Variants in SYBU observed in about 807,000 individuals in gnomAD.
SYBU encodes the protein GOLSYN A protein.
Under a neutral mutation model 35.9 loss-of-function variants are expected in SYBU, and 21 were observed. The ratio of observed to expected loss-of-function variants is 0.58; its 90% confidence interval spans 0.41 to 0.84. The LOEUF (loss-of-function observed/expected upper bound fraction) is 0.84. Ranked by LOEUF, SYBU falls within the 40% of genes least tolerant of loss-of-function variation. The pLI is 0.00. For missense variants in SYBU, 768 were observed against 848.2 expected (o/e 0.91, Z 1.17); for synonymous variants, 319 against 324.3 (o/e 0.98, Z 0.18).
chr8:109,669,353 A>C (rs1816888569), intron 1 of SYBU, among the ~76,000 whole-genome samples: 3 of 150,944 alleles, frequency 2.0e-5, no homozygotes, highest in South Asian at 4.2e-4. Flanking sequence ...AAAAAAAAAA[A>C]AAAAAAAAAA....
intron 3 of SYBU, 38 bp from the exon 4 acceptor site, chr8:109,586,200 G>C (rs1332032608): frequency 6.8e-7 from 1 of 1,475,292 alleles, no homozygotes; most frequent in Non-Finnish European, 9.3e-7. Flanking sequence ...GTGAGGGAAA[G>C]GAAACTAGAG....
upstream of SYBU, chr8:109,645,596 C>A (rs1815576802): frequency 3.6e-6 from 1 of 275,986 alleles, no homozygotes; most frequent in Non-Finnish European, 7.2e-6. Flanking sequence ...GCCTGAGTGC[C>A]TTTATGCCTA....
chr8:109,619,789 A>G (rs1812225942), intron 2 of SYBU, among the ~76,000 whole-genome samples: 1 of 152,198 alleles, frequency 6.6e-6, no homozygotes, highest in Non-Finnish European at 1.5e-5. Context: ...CAATTGGTTA[A>G]CAGAGTTTGA....
intron 3 of SYBU, among the ~76,000 whole-genome samples, chr8:109,599,037 G>C (rs1026435434): frequency 1.3e-5 from 2 of 152,232 alleles, no homozygotes; most frequent in East Asian, 3.9e-4. Flanking sequence ...GGGCAATTTT[G>C]CCACCCTCAC....
At chr8:109,619,106 G>A (rs188695724) in intron 2 of SYBU, 67 bp from the exon 3 acceptor site, 95 of 1,259,930 alleles carry the variant, frequency 7.5e-5, no homozygotes, top group Middle Eastern at 2.1e-4. Context: ...GAAGCCATGC[G>A]GTGCACCACA....
chr8:109,633,504 G>T (rs6994349), intron 2 of SYBU, among the ~76,000 whole-genome samples: 53,129 of 152,062 alleles, frequency 0.35, 11,466 homozygotes, highest in African/African-American at 0.61. Context: ...CAGGTCTCCT[G>T]CTGGAGCCAG....
At chr8:109,641,221 G>C (rs1223147663) in intron 2 of SYBU, among the ~76,000 whole-genome samples, 1 of 152,212 alleles carries the variant, frequency 6.6e-6, no homozygotes, top group East Asian at 1.9e-4. Context: ...AAATGATAAT[G>C]GTGGCACCTT....
At chr8:109,653,150 A>G (rs995983579) in intron 1 of SYBU, among the ~76,000 whole-genome samples, 44 of 152,338 alleles carry the variant, frequency 2.9e-4, no homozygotes, top group African/African-American at 1.1e-3. Flanking sequence ...AATGATGTTC[A>G]TATGGTCACT....
At chr8:109,662,107 G>C (rs972209265) in intron 1 of SYBU, among the ~76,000 whole-genome samples, 5 of 152,124 alleles carry the variant, frequency 3.3e-5, no homozygotes, top group African/African-American at 1.2e-4. Context: ...TATTCCTTTA[G>C]GAAGTGAGAA....
chr8:109,675,195 C>A (rs1817140049), intron 1 of SYBU, among the ~76,000 whole-genome samples: 1 of 152,048 alleles, frequency 6.6e-6, no homozygotes, highest in East Asian at 1.9e-4. Flanking sequence ...CAGGACAGAT[C>A]TAAAATTGAC....
intron 1 of SYBU, among the ~76,000 whole-genome samples, chr8:109,680,020 T>TA (rs1234096008): frequency 2.0e-5 from 3 of 152,236 alleles, no homozygotes; most frequent in Non-Finnish European, 4.4e-5. Context: ...TAAGAGCAGA[T>TA]ATGGCACTTC....
intron 1 of SYBU, among the ~76,000 whole-genome samples, chr8:109,678,801 G>C (rs1265141635): frequency 5.9e-5 from 9 of 152,104 alleles, no homozygotes; most frequent in Non-Finnish European, 1.5e-5. Flanking sequence ...TCTCAACCTT[G>C]ATAAATCTTA....
chr8:109,627,685 G>T (rs1025896539), intron 2 of SYBU, among the ~76,000 whole-genome samples: 1 of 152,114 alleles, frequency 6.6e-6, no homozygotes, highest in Non-Finnish European at 1.5e-5. Context: ...AGTTATGTTT[G>T]TTCCAAGAGG....
intron 2 of SYBU, among the ~76,000 whole-genome samples, chr8:109,635,238 T>A (rs964055313): frequency 1.3e-5 from 2 of 152,228 alleles, no homozygotes; most frequent in Admixed American, 6.5e-5. Flanking sequence ...TTGAGCACTG[T>A]TTAATGCACA....
At chr8:109,677,696 C>T (rs779934853) in intron 1 of SYBU, among the ~76,000 whole-genome samples, 3 of 152,174 alleles carry the variant, frequency 2.0e-5, no homozygotes, top group Admixed American at 6.5e-5. Context: ...CTTTCAGCAA[C>T]CCTATAAATG....
intron 1 of SYBU, among the ~76,000 whole-genome samples, chr8:109,688,972 T>A (rs1446165290): frequency 6.6e-6 from 1 of 152,170 alleles, no homozygotes; most frequent in Non-Finnish European, 1.5e-5. Context: ...TATGGTCTTT[T>A]AAATATCAAT....
rs1026974517 is a variant in SYBU, at chr8:109,584,950, A to G, written c.530+1110T>C. On this transcript the variant is annotated intron_variant, in intron 4 of 6. Coordinates refer to ENST00000276646, the MANE Select transcript of SYBU (RefSeq NM_001099754.2). This position sits in a 1 kb window ranked among gnomAD's most constrained non-coding sequence, Gnocchi z 4.0. ...CCCCTCACGTTCTGTGGCTCCCTCC[A>G]TAGCTTTCTTTAAGTCTCTGCTCAG... Among the ~76,000 whole-genome samples, 13 of 152,128 alleles carry G rather than the reference A, an allele frequency of 8.5e-5. No homozygotes were observed. The highest frequency in any genetic ancestry group is 3.1e-4 in the African/African-American group (13 of 41,418).
chr8:109,686,111 G>A (rs1817512930), intron 1 of SYBU, among the ~76,000 whole-genome samples: 1 of 150,378 alleles, frequency 6.6e-6, no homozygotes, highest in African/African-American at 2.4e-5. Flanking sequence ...GTCAATATTT[G>A]TATTCTTGTA....
chr8:109,645,304 C>T (rs138417985), upstream of SYBU: 6,005 of 456,696 alleles, frequency 0.013, 50 homozygotes, highest in Non-Finnish European at 0.018. Flanking sequence ...CCCAGCCAAG[C>T]CAGTGCGTCA....
Sources: gnomAD v4.1 joint callset for allele counts (sites outside exome capture counted in the v4.1 genomes callset) on GRCh38, gnomAD v4.1.1 for gene constraint, Gnocchi (gnomAD v3.1) non-coding constraint, MANE v1.5 for transcripts, NCBI Gene and HGNC (gene_info 2026-07-23, HGNC 2026-07-21) for gene names.